NRXN1: variants seen among roughly 807,000 people sequenced by gnomAD.
The protein encoded by NRXN1 is neurexin-1.
In NRXN1, 39 loss-of-function variants were observed where a neutral mutation model predicts 150.9. That is an observed-to-expected ratio of 0.26 (90% CI 0.20 to 0.34). NRXN1 has a LOEUF of 0.34. NRXN1 is among the 10% of genes least tolerant of loss of function. The probability of loss-of-function intolerance (pLI) is 1.00; values close to 1 mark genes in which losing one functional copy is unlikely to be tolerated. For synonymous variants in NRXN1, 924 were observed against 757.0 expected (o/e 1.22, Z -3.62); for missense variants, 1,815 against 1,949.9 (o/e 0.93, Z 1.30).
chr2:50,118,514 G>A (rs556897828), intron 18 of NRXN1, among the ~76,000 whole-genome samples: 2 of 151,854 alleles, frequency 1.3e-5, no homozygotes, highest in Non-Finnish European at 2.9e-5. Context: ...TAATTGGTGT[G>A]TGTTTCAGCT....
intron 19 of NRXN1, among the ~76,000 whole-genome samples, chr2:50,082,793 A>G (rs1273580204): frequency 6.6e-6 from 1 of 152,142 alleles, no homozygotes; most frequent in Non-Finnish European, 1.5e-5. Flanking sequence ...TGCAAAAAGG[A>G]TTAACTTAAG....
At chr2:50,113,848 G>A (rs192833273) in intron 18 of NRXN1, among the ~76,000 whole-genome samples, 16 of 152,020 alleles carry the variant, frequency 1.1e-4, no homozygotes, top group Admixed American at 7.2e-4. Context: ...TTATTATATC[G>A]AAATGACTTC....
At chr2:50,382,467 G>A (rs1231883933) in intron 17 of NRXN1, among the ~76,000 whole-genome samples, 1 of 152,040 alleles carries the variant, frequency 6.6e-6, no homozygotes. Context: ...TTACACCAGT[G>A]GATACTAGAA....
At chr2:50,504,851 C>T (rs2104984400) in intron 13 of NRXN1, among the ~76,000 whole-genome samples, 1 of 152,276 alleles carries the variant, frequency 6.6e-6, no homozygotes, top group Non-Finnish European at 1.5e-5. Context: ...AATAAAGCTT[C>T]TTAGTTCCCT....
intron 18 of NRXN1, among the ~76,000 whole-genome samples, chr2:50,162,841 T>C (rs1360984124): frequency 2.0e-5 from 3 of 152,020 alleles, no homozygotes; most frequent in Admixed American, 6.6e-5. Flanking sequence ...AAATAAATTA[T>C]CTTTGAAATA....
chr2:50,630,123 T>C (rs191628293), intron 5 of NRXN1, among the ~76,000 whole-genome samples: 23 of 151,844 alleles, frequency 1.5e-4, no homozygotes, highest in Admixed American at 1.4e-3. Context: ...CGACACACTA[T>C]AACTTAGAAG....
In NRXN1 at chr2:50,862,196, C is replaced by G. The variant is rs1295378013; in HGVS notation, c.832+59673G>C. 4.1e-5 allele frequency among the ~76,000 whole-genome samples: 6 copies of G among 146,452 alleles called. No individual in the cohort carries two copies. In the East Asian group the frequency reaches 1.0e-3, roughly 24 times the overall value. Reference sequence around the variant, plus strand: ...TAGCCTAGAGGACAAGAGCGAGATTCCATCTCAAAAAAAAAAAAAAAAAAT... The same window carrying G: ...TAGCCTAGAGGACAAGAGCGAGATTGCATCTCAAAAAAAAAAAAAAAAAAT... On this transcript the variant is annotated intron_variant, in intron 5 of 22. Transcript: ENST00000401669.
At chr2:50,806,715 T>A (rs534433241) in intron 5 of NRXN1, among the ~76,000 whole-genome samples, 1 of 152,296 alleles carries the variant, frequency 6.6e-6, no homozygotes, top group East Asian at 1.9e-4. Context: ...AAAAGTTTGA[T>A]GGTTTCTTTT....
At chr2:50,588,888 C>A (rs1223872371) in intron 8 of NRXN1, 1 of 152,134 alleles carries the variant, frequency 6.6e-6, no homozygotes, top group Non-Finnish European at 1.5e-5. Context: ...CGTGTATCCA[C>A]GTCTATCCCT....
chr2:50,262,098 T>A (rs2068348916), intron 17 of NRXN1, among the ~76,000 whole-genome samples: 2 of 151,940 alleles, frequency 1.3e-5, no homozygotes, highest in South Asian at 4.1e-4. Context: ...GTGAGGCAAT[T>A]CAGCAGACAA....
intron 2 of NRXN1, among the ~76,000 whole-genome samples, chr2:50,959,910 T>C (rs1057088264): frequency 6.6e-6 from 1 of 152,054 alleles, no homozygotes; most frequent in African/African-American, 2.4e-5. Flanking sequence ...GTTAAATGAC[T>C]TGTCCAAAAT....
chr2:50,780,970 G>T (rs1010642136), intron 5 of NRXN1, among the ~76,000 whole-genome samples: 1 of 152,134 alleles, frequency 6.6e-6, no homozygotes, highest in African/African-American at 2.4e-5. Context: ...AAGGGTCTGA[G>T]ATTTTATACT....
intron 5 of NRXN1, among the ~76,000 whole-genome samples, chr2:50,785,943 C>T (rs1705055622): frequency 1.3e-5 from 2 of 151,982 alleles, no homozygotes; most frequent in Non-Finnish European, 2.9e-5. Flanking sequence ...TTCTTGTTTG[C>T]CTTGCTTGCC....
At chr2:50,353,205 A>T (rs539423076) in intron 17 of NRXN1, among the ~76,000 whole-genome samples, 1 of 152,238 alleles carries the variant, frequency 6.6e-6, no homozygotes, top group East Asian at 1.9e-4. Flanking sequence ...TTTAATAAAA[A>T]TTTCATGTTT....
intron 17 of NRXN1, among the ~76,000 whole-genome samples, chr2:50,451,177 C>T (rs1463843435): frequency 6.6e-6 from 1 of 152,146 alleles, no homozygotes; most frequent in African/African-American, 2.4e-5. Flanking sequence ...CCATGTTGAC[C>T]AGGCTGGTCT....
At chr2:50,311,286 T>C (rs1340908943) in intron 17 of NRXN1, among the ~76,000 whole-genome samples, 1 of 152,162 alleles carries the variant, frequency 6.6e-6, no homozygotes, top group Non-Finnish European at 1.5e-5. Flanking sequence ...CAGAAAAGCA[T>C]GCATCATAGA....
At chr2:50,351,166 C>G (rs1448204248) in intron 17 of NRXN1, among the ~76,000 whole-genome samples, 1 of 152,180 alleles carries the variant, frequency 6.6e-6, no homozygotes, top group Non-Finnish European at 1.5e-5. Flanking sequence ...GAGGCAGAAT[C>G]TCACAAATTG....
At chr2:50,420,776 T>C (rs79920171) in intron 17 of NRXN1, among the ~76,000 whole-genome samples, 4,176 of 152,154 alleles carry the variant, frequency 0.027, 209 homozygotes, top group African/African-American at 0.093. Context: ...TTCTCAACCA[T>C]ATAACCTTGG....
chr2:50,456,302 A>T (rs1400664461), intron 17 of NRXN1, among the ~76,000 whole-genome samples: 1 of 152,114 alleles, frequency 6.6e-6, no homozygotes, highest in African/African-American at 2.4e-5. Flanking sequence ...ATTAAGCCTC[A>T]CACTCTATAG....
Sources: allele counts gnomAD v4.1 joint callset (sites outside exome capture counted in the v4.1 genomes callset), GRCh38; gene constraint gnomAD v4.1.1; transcripts MANE v1.5; gene names NCBI Gene and HGNC (gene_info 2026-07-23, HGNC 2026-07-21).